The following SLC4A10 variants were observed in gnomAD, a reference collection of about 807,000 sequenced individuals.
The protein encoded by SLC4A10 is solute carrier family 4 member 10, also known as sodium-driven chloride bicarbonate exchanger.
A neutral mutation model predicts 137.7 loss-of-function variants in SLC4A10; 42 were observed. That is an observed-to-expected ratio of 0.30 (90% confidence interval 0.24 to 0.39). The LOEUF is 0.39. Among genes scored for constraint, SLC4A10 ranks in the 10% least tolerant of loss-of-function variants. The pLI, the probability that SLC4A10 is intolerant of heterozygous loss-of-function variation, is 1.00. For synonymous variants in SLC4A10, 474 were observed against 464.1 expected (o/e 1.02, Z -0.27); for missense variants, 925 against 1,355.0 (o/e 0.68, Z 4.98).
chr2:161,818,460 GC>G (rs1483656887), intron 3 of SLC4A10, among the ~76,000 whole-genome samples: 2 of 152,150 alleles, frequency 1.3e-5, no homozygotes, highest in East Asian at 3.9e-4. Context: ...CTAATTGAAT[GC>G]CCTTTATTTC....
intron 23 of SLC4A10, among the ~76,000 whole-genome samples, chr2:161,966,399 G>A (rs544064509): frequency 6.6e-6 from 1 of 151,986 alleles, no homozygotes; most frequent in Non-Finnish European, 1.5e-5. Flanking sequence ...TTATACAATT[G>A]TTATTATTTA....
chr2:161,711,190 G>A (rs897477370), intron 1 of SLC4A10, among the ~76,000 whole-genome samples: 5 of 151,808 alleles, frequency 3.3e-5, no homozygotes, highest in Admixed American at 1.3e-4. Context: ...TTTGCATGTT[G>A]TATAAGCCAT....
intron 1 of SLC4A10, among the ~76,000 whole-genome samples, chr2:161,658,121 G>T (rs979153899): frequency 6.6e-6 from 1 of 152,120 alleles, no homozygotes; most frequent in Non-Finnish European, 1.5e-5. Context: ...TAATTTAGGA[G>T]ATAGTCAGTC....
rs74718052 is a variant in SLC4A10, at chr2:161,713,537, G to A, written c.49-57436G>A. Among the ~76,000 whole-genome samples, 319 of 151,858 alleles carry A rather than the reference G, an allele frequency of 2.1e-3. 6 individuals are homozygous for A. The East Asian group carries it at 0.051, about 24-fold the overall frequency. ...ATCCTAAGAGACCTCCTGCTTGTCCGTGATGTAAACTCCATTTTATTGGTA... is the reference window on the plus strand; with the variant it reads ...ATCCTAAGAGACCTCCTGCTTGTCCATGATGTAAACTCCATTTTATTGGTA... On this transcript the variant is annotated intron_variant, in intron 1 of 26. Transcript: ENST00000446997.
chr2:161,641,760 C>T (rs182030112), intron 1 of SLC4A10, among the ~76,000 whole-genome samples: 2 of 151,898 alleles, frequency 1.3e-5, no homozygotes, highest in East Asian at 1.9e-4. Flanking sequence ...CCAGTAAAGA[C>T]CATTTGTGTA....
At chr2:161,941,010 C>A (rs1473121620) in intron 15 of SLC4A10, among the ~76,000 whole-genome samples, 1 of 151,884 alleles carries the variant, frequency 6.6e-6, no homozygotes, top group Admixed American at 6.6e-5. Flanking sequence ...ACCCCCAGAG[C>A]AATTTATGTC....
intron 25 of SLC4A10, among the ~76,000 whole-genome samples, chr2:161,977,128 G>C (rs184554923): frequency 6.6e-5 from 10 of 152,076 alleles, no homozygotes; most frequent in Admixed American, 6.5e-4. Flanking sequence ...TTGGCCTACT[G>C]TTTTTCAGTA....
At chr2:161,835,131 G>A (rs937214199) in intron 3 of SLC4A10, among the ~76,000 whole-genome samples, 7 of 151,366 alleles carry the variant, frequency 4.6e-5, no homozygotes, top group African/African-American at 1.5e-4. Context: ...CCCACCTGCT[G>A]GGTTCAAGCA....
chr2:161,817,654 G>A (rs556329382), intron 3 of SLC4A10, among the ~76,000 whole-genome samples: 1 of 152,236 alleles, frequency 6.6e-6, no homozygotes, highest in African/African-American at 2.4e-5. Flanking sequence ...ATTAATTTTT[G>A]TATATGGTGT....
Position 161,949,267 on chromosome 2 carries a change from T to TA in SLC4A10, c.2379+7dup. On this transcript the variant is annotated splice_region_variant and intron_variant, in intron 18 of 26. Coordinates refer to ENST00000446997, the MANE Select transcript of SLC4A10 (RefSeq NM_001178015.2). ...AAGTACCAAGTGTTTTCAAGGTACT[T>TA]ACTATCTCTCTCCCTCTTCCCATCT... is the stretch of plus-strand genomic sequence containing the variant. The TA allele has an allele frequency of 6.4e-7, 1 of 1,556,030 alleles. No homozygotes were observed. The highest frequency in any genetic ancestry group is 1.1e-5 in the South Asian group (1 of 89,720).
Position 161,964,223 on chromosome 2 carries a change from A to G in SLC4A10, c.2951A>G (p.His984Arg), listed in dbSNP as rs1420314237. The G allele has an allele frequency of 1.2e-6, 2 of 1,613,554 alleles. No individual in the cohort carries two copies. The highest frequency in any genetic ancestry group is 1.7e-6 in the Non-Finnish European group (2 of 1,179,692). ...YLRHVPLRKV[H>R]LFTIIQMSCL... ...AGGCACGTACCGCTTCGAAAAGTGC[A>G]TCTCTTCACAATTATTCAGATGAGT... The change falls in exon 22 of 27, where the codon CAT (histidine) becomes CGT (arginine). Residue 984 changes from histidine (H) to arginine (R), a missense_variant. Physicochemically the swap from His to Arg is conservative, Grantham distance 29. Coordinates refer to ENST00000446997, the MANE Select transcript of SLC4A10 (RefSeq NM_001178015.2).
intron 1 of SLC4A10, among the ~76,000 whole-genome samples, chr2:161,751,641 A>T (rs539051861): frequency 1.4e-4 from 21 of 151,892 alleles, no homozygotes; most frequent in African/African-American, 5.1e-4. Flanking sequence ...TAGACCTCCT[A>T]TTCCGCCATC....
intron 1 of SLC4A10, among the ~76,000 whole-genome samples, chr2:161,725,756 A>C (rs767630967): frequency 1.3e-5 from 2 of 152,236 alleles, no homozygotes; most frequent in Non-Finnish European, 2.9e-5. Context: ...GTATTGGCTT[A>C]ATGGATACTG....
At chr2:161,855,994 A>T (rs2060077890) in intron 5 of SLC4A10, among the ~76,000 whole-genome samples, 1 of 152,134 alleles carries the variant, frequency 6.6e-6, no homozygotes, top group Non-Finnish European at 1.5e-5. Flanking sequence ...AATCATGTAT[A>T]TGAAAATAAT....
At chr2:161,844,126 G>C (rs1371399502) in intron 4 of SLC4A10, among the ~76,000 whole-genome samples, 1 of 152,120 alleles carries the variant, frequency 6.6e-6, no homozygotes, top group Non-Finnish European at 1.5e-5. Flanking sequence ...TTGACTCACT[G>C]TAGTTACCCT....
At position 161,905,857 on chromosome 2, in the gene SLC4A10, A is replaced by T; in HGVS notation, c.1967A>T (p.His656Leu). The change falls in exon 15 of 27, where the codon CAT (histidine) becomes CTT (leucine). Residue 656 changes from histidine to leucine, a missense_variant. By Grantham distance (99) the His-to-Leu change is moderately conservative (BLOSUM62 -3). Around this residue, in one of 11 missense-constraint regions of SLC4A10, gnomAD observed 91 missense variants for 95.6 expected, o/e 0.95. Coordinates refer to ENST00000446997, the MANE Select transcript of SLC4A10 (RefSeq NM_001178015.2). ...ELSEAYPINM[H>L]NDLELLTQYS... is the part of the protein sequence containing the mutation. ...AGTGAAGCATATCCAATCAACATGC[A>T]TAATGATCTGGAACTGCTGACACAA... 1 of 1,613,416 alleles carries T rather than the reference A, an allele frequency of 6.2e-7. No homozygotes were observed. Among genetic ancestry groups the T allele is most frequent in the African/African-American group, 1.3e-5 (1 of 75,036 alleles).
At chr2:161,851,980 C>G (rs779255167) in intron 4 of SLC4A10, among the ~76,000 whole-genome samples, 6 of 152,158 alleles carry the variant, frequency 3.9e-5, no homozygotes, top group Non-Finnish European at 8.8e-5. Flanking sequence ...GCCTCGATCT[C>G]CTGGGCTCAA....
chr2:161,813,045 C>T (rs3849345), intron 3 of SLC4A10, among the ~76,000 whole-genome samples: 10,094 of 151,948 alleles, frequency 0.066, 442 homozygotes, highest in East Asian at 0.15. Flanking sequence ...TTCCTGAATA[C>T]TTTTTATTTT....
In SLC4A10 at chr2:161,984,458, AATC is replaced by A. The variant is rs1700593455; in HGVS notation, c.*1311_*1313del. 6.6e-6 allele frequency: 1 copy of A among 152,168 alleles called. No individual in the cohort carries two copies. Among genetic ancestry groups the A allele is most frequent in the South Asian group, 2.1e-4 (1 of 4,832 alleles). 9.4% of individuals were successfully genotyped at this position (152,168 alleles called of 1,614,324 possible). On this transcript the variant is annotated 3_prime_UTR_variant, in exon 27 of 27. Coordinates refer to ENST00000446997, the MANE Select transcript of SLC4A10 (RefSeq NM_001178015.2). Reference sequence around the variant, plus strand: ...CTCTTGGTTCCTAAGAATGAGTAGTAATCATCAACTTTATAATACTCCAATATT... The same window carrying A: ...CTCTTGGTTCCTAAGAATGAGTAGTAATCAACTTTATAATACTCCAATATT...
Sources: gnomAD v4.1 joint callset for allele counts (sites outside exome capture counted in the v4.1 genomes callset) on GRCh38, gnomAD v4.1.1 for gene constraint, gnomAD v4.1.1 regional missense constraint, MANE v1.5 for transcripts, NCBI Gene and HGNC (gene_info 2026-07-23, HGNC 2026-07-21) for gene names.